Variants in PRKCH observed in about 807,000 individuals in gnomAD.
PRKCH encodes protein kinase C eta.
PRKCH carries 28 observed loss-of-function variants against 82.5 expected under a neutral mutation model. The observed-to-expected ratio is 0.34, with a 90% CI of 0.25 to 0.47. The LOEUF (loss-of-function observed/expected upper bound fraction) is 0.47. Among genes scored for constraint, PRKCH ranks in the 20% least tolerant of loss-of-function variants. The pLI is 1.00. For synonymous variants in PRKCH, 322 were observed against 327.4 expected, an observed-to-expected ratio of 0.98 and a Z score of 0.18; for missense variants, 705 against 881.8, an observed-to-expected ratio of 0.80 and a Z score of 2.54.
At chr14:61,335,248 A>C (rs1414037150) in intron 1 of PRKCH, among the ~76,000 whole-genome samples, 1 of 152,120 alleles carries the variant, frequency 6.6e-6, no homozygotes, top group Non-Finnish European at 1.5e-5. Flanking sequence ...CTCAAATGAC[A>C]TCATAGAAGC....
chr14:61,547,755 A>T lies in PRKCH; in HGVS notation c.1774A>T (p.Asn592Tyr). The stretch of plus-strand genomic sequence containing the variant: ...CTCTCTCACTCAGTTCATGACCAAG[A>T]ACCCCACCATGCGCTTGGGCAGCCT... ...TGILKSFMTKNPTMRLGSLTQ... is the reference protein window; with the variant it reads ...TGILKSFMTKYPTMRLGSLTQ... Residue 592 changes from asparagine (N) to tyrosine (Y), a missense_variant, in exon 13 of 14, where the codon AAC becomes TAC. Coordinates refer to ENST00000332981, the MANE Select transcript of PRKCH (RefSeq NM_006255.5). 6.2e-7 allele frequency: 1 copy of T among 1,613,956 alleles called. No homozygotes were observed. Among genetic ancestry groups the T allele is most frequent in the Non-Finnish European group, 8.5e-7 (1 of 1,179,926 alleles).
At chr14:61,297,673 T>C (rs1038060450) in intron 1 of PRKCH, among the ~76,000 whole-genome samples, 3 of 152,198 alleles carry the variant, frequency 2.0e-5, no homozygotes, top group Non-Finnish European at 4.4e-5. Flanking sequence ...GGGTTTGTGC[T>C]CCTGTGAGAA....
chr14:61,251,303 GTTCT>G (rs1165223949), intron 1 of PRKCH, among the ~76,000 whole-genome samples: 1 of 152,028 alleles, frequency 6.6e-6, no homozygotes, highest in East Asian at 1.9e-4. Context: ...GGTCTTATTC[GTTCT>G]TTCTAATTAT....
intron 1 of PRKCH, among the ~76,000 whole-genome samples, chr14:61,367,775 C>T (rs868720536): frequency 5.3e-5 from 8 of 149,750 alleles, no homozygotes; most frequent in Middle Eastern, 3.5e-3. Context: ...AGTGCAGTGG[C>T]GCAATCTCGG....
chr14:61,315,556 C>A (rs2045555638), intron 1 of PRKCH, among the ~76,000 whole-genome samples: 1 of 152,084 alleles, frequency 6.6e-6, no homozygotes, highest in Non-Finnish European at 1.5e-5. Context: ...ATGTGCCTGG[C>A]AAGGTATCAA....
upstream of PRKCH, among the ~76,000 whole-genome samples, chr14:61,317,089 C>A (rs575208672): frequency 1.3e-5 from 2 of 152,180 alleles, no homozygotes; most frequent in Admixed American, 6.5e-5. Context: ...CAATTTTGGG[C>A]GGCAGGCTGA....
At chr14:61,468,805 T>C (rs1278767866) in intron 9 of PRKCH, among the ~76,000 whole-genome samples, 1 of 152,192 alleles carries the variant, frequency 6.6e-6, no homozygotes, top group South Asian at 2.1e-4. Flanking sequence ...AATTTAAATC[T>C]TTGATGTAAC....
At chr14:61,533,240 G>A (rs928811560) in intron 12 of PRKCH, among the ~76,000 whole-genome samples, 6 of 150,676 alleles carry the variant, frequency 4.0e-5, no homozygotes, top group Admixed American at 2.0e-4. Context: ...TTCAAGGCAT[G>A]TACCTTCAAT....
At chr14:61,211,821 G>T (rs908704292) in intron 1 of PRKCH, among the ~76,000 whole-genome samples, 4 of 152,106 alleles carry the variant, frequency 2.6e-5, no homozygotes, top group African/African-American at 9.7e-5. Flanking sequence ...AACAAAAGTG[G>T]GAAATTAAGA....
intron 1 of PRKCH, among the ~76,000 whole-genome samples, chr14:61,285,190 C>A (rs2045303728): frequency 6.6e-6 from 1 of 152,096 alleles, no homozygotes; most frequent in African/African-American, 2.4e-5. Context: ...AAAGGTGAAG[C>A]TCTTTAAAAA....
At chr14:61,239,828 G>A (rs1044024443) in intron 1 of PRKCH, among the ~76,000 whole-genome samples, 3 of 152,134 alleles carry the variant, frequency 2.0e-5, no homozygotes, top group Non-Finnish European at 1.5e-5. Context: ...TGGCTCTGAG[G>A]CTAATGACTG....
At chr14:61,542,973 A>G (rs2043208014) in intron 12 of PRKCH, among the ~76,000 whole-genome samples, 1 of 152,200 alleles carries the variant, frequency 6.6e-6, no homozygotes, top group Admixed American at 6.5e-5. Flanking sequence ...TTTTTAAAAT[A>G]TAGGAAAATC....
At chr14:61,231,199 C>T (rs1173268871) in intron 1 of PRKCH, among the ~76,000 whole-genome samples, 2 of 152,070 alleles carry the variant, frequency 1.3e-5, no homozygotes, top group Admixed American at 6.6e-5. Flanking sequence ...TTTCTTCAAC[C>T]GTAAAGCCAA....
chr14:61,426,178 G>T (rs1249474281), intron 2 of PRKCH, among the ~76,000 whole-genome samples: 1 of 152,172 alleles, frequency 6.6e-6, no homozygotes, highest in African/African-American at 2.4e-5. Flanking sequence ...TTCCAGGTCT[G>T]TGGGAAGCAG....
chr14:61,408,275 T>A (rs1192995648), intron 2 of PRKCH, among the ~76,000 whole-genome samples: 1 of 152,134 alleles, frequency 6.6e-6, no homozygotes, highest in Non-Finnish European at 1.5e-5. Context: ...TTTGGGGGCA[T>A]GGTGGAGAGA....
chr14:61,470,471 T>C (rs1426368344), intron 9 of PRKCH, among the ~76,000 whole-genome samples: 2 of 152,158 alleles, frequency 1.3e-5, no homozygotes, highest in East Asian at 3.9e-4. Context: ...ACTCTTTCTT[T>C]ACAAGGTTCT....
At chr14:61,355,668 T>A (rs1456716315) in intron 1 of PRKCH, among the ~76,000 whole-genome samples, 1 of 152,178 alleles carries the variant, frequency 6.6e-6, no homozygotes, top group Non-Finnish European at 1.5e-5. Context: ...AACATGGAAA[T>A]TTCTTGATTA....
intron 9 of PRKCH, among the ~76,000 whole-genome samples, chr14:61,461,451 G>A (rs1459539227): frequency 6.6e-6 from 1 of 152,184 alleles, no homozygotes; most frequent in Admixed American, 6.5e-5. Context: ...GAGTCAAGCC[G>A]CAGAGCCAGG....
intron 2 of PRKCH, among the ~76,000 whole-genome samples, chr14:61,412,657 A>C (rs948289717): frequency 1.3e-5 from 2 of 152,182 alleles, no homozygotes; most frequent in African/African-American, 4.8e-5. Flanking sequence ...GACCCATGGC[A>C]TATAAATTTT....
Sources: allele counts gnomAD v4.1 joint callset (sites outside exome capture counted in the v4.1 genomes callset), GRCh38; gene constraint gnomAD v4.1.1; transcripts MANE v1.5; gene names NCBI Gene and HGNC (gene_info 2026-07-23, HGNC 2026-07-21).